The following GC variants were observed in gnomAD, a reference collection of about 807,000 sequenced individuals.
The protein encoded by GC is GC vitamin D binding protein.
GC carries 43 observed loss-of-function variants against 56.7 expected under a neutral mutation model. The observed-to-expected ratio is 0.76, with a 90% confidence interval of 0.59 to 0.98. The LOEUF (loss-of-function observed/expected upper bound fraction) is 0.98. GC is among the 50% of genes least tolerant of loss of function. The pLI is 0.00. For synonymous variants in GC, 216 were observed against 202.7 expected (o/e 1.07, Z -0.56); for missense variants, 529 against 545.9 (o/e 0.97, Z 0.31).
At chr4:71,782,231 C>T (rs1163185408) in intron 1 of GC, among the ~76,000 whole-genome samples, 1 of 151,718 alleles carries the variant, frequency 6.6e-6, no homozygotes, top group Non-Finnish European at 1.5e-5. Flanking sequence ...AAACCAATCC[C>T]CCACAATACA....
intron 6 of GC, 63 bp from the exon 7 acceptor site, chr4:71,758,234 G>A (rs1741850844): frequency 7.0e-7 from 1 of 1,420,086 alleles, no homozygotes; most frequent in South Asian, 1.2e-5. Flanking sequence ...GTTTCGTGAT[G>A]AACGCACTAT....
upstream of GC, among the ~76,000 whole-genome samples, chr4:71,804,622 T>C (rs1397585116): frequency 6.6e-6 from 1 of 152,074 alleles, no homozygotes; most frequent in African/African-American, 2.4e-5. Context: ...ATGGAAGTTA[T>C]CTGCTATGGC....
In GC at chr4:71,756,826, T is replaced by A. The variant is rs1302329692; in HGVS notation, c.920A>T (p.Asp307Val). Residue 307 changes from aspartate (D) to valine (V), a missense_variant, in exon 8 of 13, where the codon GAC (aspartate) becomes GTC (valine). Physicochemically the swap from Asp to Val is radical, Grantham distance 152 (BLOSUM62 -3). Transcript: ENST00000273951. ...EDCCQEKTAM[D>V]VFVCTYFMPA... ...CATGAAGTAAGTGCACACAAAAACG[T>A]CCATGGCTGTTTTTTCTTGACAACA... 1 of 1,612,420 alleles carries A rather than the reference T, an allele frequency of 6.2e-7. No individual in the cohort carries two copies. Among genetic ancestry groups the A allele is most frequent in the South Asian group, 1.1e-5 (1 of 91,048 alleles).
chr4:71,773,491 G>C (rs1336587515), intron 1 of GC, among the ~76,000 whole-genome samples: 2 of 151,930 alleles, frequency 1.3e-5, no homozygotes, highest in African/African-American at 2.4e-5. Flanking sequence ...GTTCAATATT[G>C]AATTTGAACT....
chr4:71,763,950 A>G lies in GC; in HGVS notation c.474-14T>C. ...TCCCACATAAATCTGTGGAGGAAAA[A>G]ATAGAATTGGTCAAAAAATTTGTGA... On this transcript the variant is annotated splice_polypyrimidine_tract_variant and intron_variant, in intron 4 of 12. Coordinates refer to ENST00000273951, the MANE Select transcript of GC (RefSeq NM_000583.4). 1 of 1,604,488 alleles carries G rather than the reference A, an allele frequency of 6.2e-7. No homozygotes were observed. Among genetic ancestry groups the G allele is most frequent in the Non-Finnish European group, 8.5e-7 (1 of 1,172,692 alleles).
chr4:71,759,450 A>G (rs773430595), intron 6 of GC: 12 of 152,138 alleles, frequency 7.9e-5, no homozygotes, highest in Non-Finnish European at 1.8e-4. Flanking sequence ...ACATTTGCCA[A>G]TTTCTGTTCT....
chr4:71,748,986 G>A (rs1045481293), intron 11 of GC, among the ~76,000 whole-genome samples: 1 of 152,078 alleles, frequency 6.6e-6, no homozygotes, highest in East Asian at 1.9e-4. Context: ...TAGGACAAAT[G>A]GGACATTCAC....
chr4:71,784,192 A>C, upstream of GC: 1 of 1,307,738 alleles, frequency 7.6e-7, no homozygotes, highest in South Asian at 2.5e-5. Context: ...AGGGGCTGTT[A>C]TCTTTGGCCC....
At chr4:71,799,583 C>CT (rs2149311066) in intron 1 of GC, among the ~76,000 whole-genome samples, 1 of 152,286 alleles carries the variant, frequency 6.6e-6, no homozygotes, top group Admixed American at 6.5e-5. Context: ...GGGCTGATGG[C>CT]TTCCCCCTCC....
At chr4:71,750,387 C>G (rs2149293991) in intron 11 of GC, among the ~76,000 whole-genome samples, 1 of 152,246 alleles carries the variant, frequency 6.6e-6, no homozygotes, top group Middle Eastern at 3.4e-3. Context: ...GAATGCACCT[C>G]TAGAAGGAAT....
At chr4:71,794,334 G>A (rs1743040277) in intron 1 of GC, among the ~76,000 whole-genome samples, 1 of 152,092 alleles carries the variant, frequency 6.6e-6, no homozygotes, top group South Asian at 2.1e-4. Flanking sequence ...CAATTTCAGA[G>A]TCTGTTATTG....
Position 71,769,382 on chromosome 4 carries a change from T to C in GC, c.77A>G (p.Asn26Ser), listed in dbSNP as rs779158323. 3.1e-6 allele frequency: 5 copies of C among 1,612,836 alleles called. No individual in the cohort carries two copies. In the South Asian group the frequency reaches 5.5e-5, roughly 18 times the overall value. The change falls in exon 2 of 13, where the codon AAT becomes AGT. Residue 26 changes from asparagine (N) to serine (S), a missense_variant. Asn to Ser is a conservative substitution (Grantham distance 46). Transcript: ENST00000273951. ...ALERGRDYEK[N>S]KVCKEFSHLG... ...ATGGGAGAATTCCTTGCAGACTTTA[T>C]TCTTTTCATAATCCCGGCCTAGGAG...
At chr4:71,790,090 C>A (rs2149308554) in intron 1 of GC, among the ~76,000 whole-genome samples, 1 of 152,040 alleles carries the variant, frequency 6.6e-6, no homozygotes, top group East Asian at 1.9e-4. Flanking sequence ...GATTATCTTT[C>A]TGATAAGTTA....
intron 1 of GC, among the ~76,000 whole-genome samples, chr4:71,780,619 A>G (rs1226425439): frequency 3.3e-5 from 5 of 152,138 alleles, no homozygotes; most frequent in Admixed American, 1.3e-4. Context: ...TGCAGCCAAA[A>G]AACACATGAA....
intron 12 of GC, among the ~76,000 whole-genome samples, chr4:71,745,840 C>G (rs1026471434): frequency 1.3e-5 from 2 of 152,006 alleles, no homozygotes. Context: ...CAGAGTTCTT[C>G]CTATTGAAGT....
At chr4:71,779,305 AATAAATCCAAATAAGGGGAT>A (rs982271964) in intron 1 of GC, among the ~76,000 whole-genome samples, 22 of 151,998 alleles carry the variant, frequency 1.4e-4, no homozygotes, top group African/African-American at 5.3e-4. Flanking sequence ...AAGAAGAAAA[AATAAATCCAAATAAGGGGAT>A]AGAAGATAAT....
At chr4:71,757,206 A>C (rs1355426369) in intron 7 of GC, among the ~76,000 whole-genome samples, 2 of 152,216 alleles carry the variant, frequency 1.3e-5, no homozygotes, top group Non-Finnish European at 2.9e-5. Context: ...TTTTAAAAAA[A>C]CCAACACAAC....
intron 11 of GC, among the ~76,000 whole-genome samples, chr4:71,747,206 A>G (rs528657379): frequency 5.8e-4 from 89 of 152,314 alleles, no homozygotes; most frequent in African/African-American, 1.9e-3. Context: ...TTGATTTTCA[A>G]TTTCTTATGG....
At position 71,796,385 on chromosome 4, in the gene GC, T is replaced by G. The variant is rs900106747; in HGVS notation, c.21+7541A>C. On this transcript the variant is annotated intron_variant, in intron 1 of 13. Transcript: ENST00000504199. ...TCTGTTTACTCTTTTTTCTCTTAATTTGTCTTTTCACTCTATTTCATTAAT... is the reference window on the plus strand; with the variant it reads ...TCTGTTTACTCTTTTTTCTCTTAATGTGTCTTTTCACTCTATTTCATTAAT... Among the ~76,000 whole-genome samples the G allele has an allele frequency of 3.3e-5, 5 of 152,198 alleles. No individual in the cohort carries two copies. The East Asian group carries it at 7.7e-4, about 23-fold the overall frequency.
Sources: gnomAD v4.1 joint callset for allele counts (sites outside exome capture counted in the v4.1 genomes callset) on GRCh38, gnomAD v4.1.1 for gene constraint, MANE v1.5 for transcripts, NCBI Gene and HGNC (gene_info 2026-07-23, HGNC 2026-07-21) for gene names.